The following LHFPL2 variants were observed in gnomAD, a reference collection of about 807,000 sequenced individuals.
LHFPL2 encodes LHFPL tetraspan subfamily member 2 protein.
A neutral mutation model predicts 17.5 loss-of-function variants in LHFPL2; 7 were observed. That is an observed-to-expected ratio of 0.40 (90% CI 0.23 to 0.75). The LOEUF is 0.75. Among genes scored for constraint, LHFPL2 ranks in the 30% least tolerant of loss-of-function variants. The pLI, the probability that LHFPL2 is intolerant of heterozygous loss-of-function variation, is 0.37. For missense variants in LHFPL2, 241 were observed against 294.8 expected, an observed-to-expected ratio of 0.82 and a Z score of 1.34; for synonymous variants, 134 against 116.2, an observed-to-expected ratio of 1.15 and a Z score of -0.99.
intron 3 of LHFPL2, among the ~76,000 whole-genome samples, chr5:78,520,069 C>G (rs1755405749): frequency 6.6e-6 from 1 of 152,142 alleles, no homozygotes; most frequent in Admixed American, 6.5e-5. Flanking sequence ...CGCTGCCACG[C>G]TTTTTGGGTG....
intron 2 of LHFPL2, among the ~76,000 whole-genome samples, chr5:78,589,102 C>T (rs972547303): frequency 6.6e-6 from 1 of 152,086 alleles, no homozygotes; most frequent in Non-Finnish European, 1.5e-5. Context: ...CCTGGATGAC[C>T]CAGACTGTGC....
At chr5:78,558,652 C>T (rs867500250) in intron 3 of LHFPL2, among the ~76,000 whole-genome samples, 53 of 152,228 alleles carry the variant, frequency 3.5e-4, no homozygotes, top group African/African-American at 1.2e-3. Flanking sequence ...ACATTTATTA[C>T]GGGAGATCCA....
At chr5:78,560,881 GTAC>G (rs1450080802) in intron 3 of LHFPL2, among the ~76,000 whole-genome samples, 1 of 152,024 alleles carries the variant, frequency 6.6e-6, no homozygotes, top group African/African-American at 2.4e-5. Context: ...CAATTTTATG[GTAC>G]TCTAGAACAG....
At chr5:78,632,722 A>C (rs1189864648) in intron 1 of LHFPL2, among the ~76,000 whole-genome samples, 1 of 152,226 alleles carries the variant, frequency 6.6e-6, no homozygotes, top group Non-Finnish European at 1.5e-5. Context: ...CAGGGAGCTT[A>C]CAGTCCACAA....
chr5:78,521,202 A>G (rs1389197106), intron 3 of LHFPL2, among the ~76,000 whole-genome samples: 1 of 152,218 alleles, frequency 6.6e-6, no homozygotes, highest in Non-Finnish European at 1.5e-5. Flanking sequence ...CATAAACTGT[A>G]TGAAACAGTC....
chr5:78,607,480 A>G (rs1744259468), intron 2 of LHFPL2, among the ~76,000 whole-genome samples: 1 of 152,226 alleles, frequency 6.6e-6, no homozygotes, highest in African/African-American at 2.4e-5. Flanking sequence ...ACATTTAAAA[A>G]TAAGTTATGA....
intron 1 of LHFPL2, among the ~76,000 whole-genome samples, chr5:78,632,999 C>T (rs138085951): frequency 1.1e-4 from 17 of 152,296 alleles, no homozygotes; most frequent in African/African-American, 3.6e-4. Flanking sequence ...TTGGTGCCCA[C>T]TGAAGCATTT....
intron 3 of LHFPL2, among the ~76,000 whole-genome samples, chr5:78,511,998 G>T (rs901418308): frequency 5.3e-5 from 8 of 152,056 alleles, no homozygotes; most frequent in African/African-American, 1.7e-4. Flanking sequence ...CGTCTGAGCC[G>T]GTAAGGGTAG....
At chr5:78,518,101 T>G (rs1490909902) in intron 3 of LHFPL2, among the ~76,000 whole-genome samples, 1 of 152,238 alleles carries the variant, frequency 6.6e-6, no homozygotes, top group Non-Finnish European at 1.5e-5. Flanking sequence ...TTTTCAGTTT[T>G]ACATGAAATT....
intron 3 of LHFPL2, among the ~76,000 whole-genome samples, chr5:78,558,504 A>G (rs1756640845): frequency 7.2e-6 from 1 of 139,166 alleles, no homozygotes; most frequent in Non-Finnish European, 1.5e-5. Context: ...TGATCACAAC[A>G]AAACTATACA....
At chr5:78,632,989 T>C (rs946118239) in intron 1 of LHFPL2, among the ~76,000 whole-genome samples, 5 of 152,128 alleles carry the variant, frequency 3.3e-5, no homozygotes, top group African/African-American at 4.8e-5. Flanking sequence ...AAGAAAGAAG[T>C]TGGTGCCCAC....
intron 4 of LHFPL2, among the ~76,000 whole-genome samples, chr5:78,507,321 ATCTG>A (rs1217464660): frequency 1.3e-5 from 2 of 151,692 alleles, no homozygotes; most frequent in African/African-American, 4.8e-5. Flanking sequence ...CAGAATGAGA[ATCTG>A]TCTTAAAAAA....
At chr5:78,535,686 G>A (rs1755927118) in intron 3 of LHFPL2, among the ~76,000 whole-genome samples, 1 of 152,158 alleles carries the variant, frequency 6.6e-6, no homozygotes, top group Non-Finnish European at 1.5e-5. Flanking sequence ...TCCCCACCAA[G>A]CCTGTGGCTG....
intron 1 of LHFPL2, chr5:78,644,164 T>C (rs535501197): frequency 8.1e-5 from 44 of 543,722 alleles, no homozygotes; most frequent in African/African-American, 7.5e-4. Context: ...TTCAAAACAA[T>C]TGTTACATAG....
At chr5:78,559,055 C>T (rs1410849468) in intron 3 of LHFPL2, among the ~76,000 whole-genome samples, 2 of 152,192 alleles carry the variant, frequency 1.3e-5, no homozygotes, top group African/African-American at 4.8e-5. Context: ...CAGCCCTGCC[C>T]ACCCTACTCT....
intron 2 of LHFPL2, among the ~76,000 whole-genome samples, chr5:78,624,081 T>C (rs1252810319): frequency 1.3e-5 from 2 of 152,252 alleles, no homozygotes; most frequent in Non-Finnish European, 2.9e-5. Flanking sequence ...TCATTCTTCT[T>C]GCTGCTTTGG....
intron 2 of LHFPL2, among the ~76,000 whole-genome samples, chr5:78,583,922 A>G (rs1373534898): frequency 6.6e-6 from 1 of 151,692 alleles, no homozygotes; most frequent in African/African-American, 2.4e-5. Flanking sequence ...AGGTACACCA[A>G]TCAGACGTAG....
chr5:78,601,458 A>G (rs1007463813), intron 2 of LHFPL2, among the ~76,000 whole-genome samples: 9 of 152,172 alleles, frequency 5.9e-5, no homozygotes, highest in African/African-American at 2.2e-4. Context: ...GTTTGTATGT[A>G]ATTAATATTG....
At position 78,544,976 on chromosome 5, in the gene LHFPL2, G is replaced by A. The variant is rs148849834; in HGVS notation, c.-186+19837C>T. On this transcript the variant is annotated intron_variant, in intron 3 of 4. Coordinates refer to ENST00000380345, the MANE Select transcript of LHFPL2 (RefSeq NM_005779.3). Reference sequence around the variant, plus strand: ...TTGTAATCCCAAGTGGAGAGTGCACGCATTTCCTCTGGATCGTGCATCACT... The same window carrying A: ...TTGTAATCCCAAGTGGAGAGTGCACACATTTCCTCTGGATCGTGCATCACT... 6.0e-3 allele frequency among the ~76,000 whole-genome samples: 915 copies of A among 152,006 alleles called. 5 individuals are homozygous for A. Among genetic ancestry groups the A allele is most frequent in the African/African-American group, 0.02 (841 of 41,434 alleles).
Sources: allele counts gnomAD v4.1 joint callset (sites outside exome capture counted in the v4.1 genomes callset), GRCh38; gene constraint gnomAD v4.1.1; transcripts MANE v1.5; gene names NCBI Gene and HGNC (gene_info 2026-07-23, HGNC 2026-07-21).